The following TRIM58 variants were observed in gnomAD, a reference collection of about 807,000 sequenced individuals.
TRIM58 encodes the protein E3 ubiquitin-protein ligase TRIM58.
In TRIM58, 38 loss-of-function variants were observed where a neutral mutation model predicts 34.1. That is an observed-to-expected ratio of 1.12 (90% CI 0.86 to 1.46). The LOEUF is 1.46. TRIM58 is among the 40% of genes most tolerant of loss of function. The pLI is 0.00. For synonymous variants in TRIM58, 273 were observed against 275.7 expected (o/e 0.99, Z 0.10); for missense variants, 677 against 642.0 (o/e 1.05, Z -0.59).
At chr1:247,863,554 A>T (rs1196152659) in intron 2 of TRIM58, among the ~76,000 whole-genome samples, 2 of 152,098 alleles carry the variant, frequency 1.3e-5, no homozygotes, top group Non-Finnish European at 2.9e-5. Flanking sequence ...AAGATTAAAA[A>T]AAAAACCAGG....
At chr1:247,869,045 A>G (rs770862479) in intron 5 of TRIM58, among the ~76,000 whole-genome samples, 2 of 152,260 alleles carry the variant, frequency 1.3e-5, no homozygotes, top group Admixed American at 6.5e-5. Context: ...GATTACAGGC[A>G]CATGCCACCA....
intron 5 of TRIM58, among the ~76,000 whole-genome samples, chr1:247,874,167 CTT>C (rs1659218785): frequency 6.6e-6 from 1 of 152,126 alleles, no homozygotes; most frequent in Non-Finnish European, 1.5e-5. Flanking sequence ...AGGAAATATG[CTT>C]TATTTTGGCT....
In TRIM58 at chr1:247,878,408, C is replaced by T. The variant is rs1022984724; in HGVS notation, c.*1919C>T. ...TTTAACTTACCTTCCAATCATATTACTAACGTAGCCTTCTTCCTAGATTTT... is the reference window on the plus strand; with the variant it reads ...TTTAACTTACCTTCCAATCATATTATTAACGTAGCCTTCTTCCTAGATTTT... On this transcript the variant is annotated 3_prime_UTR_variant, in exon 6 of 6. Transcript: ENST00000366481. Among the ~76,000 whole-genome samples, 1 of 152,184 alleles carries T rather than the reference C, an allele frequency of 6.6e-6. No homozygotes were observed. The highest frequency in any genetic ancestry group is 1.5e-5 in the Non-Finnish European group (1 of 68,038).
In TRIM58 at chr1:247,876,245, A is replaced by G. The variant is rs1486325456; in HGVS notation, c.1217A>G (p.Glu406Gly). ...ASPSVPLLQL[E>G]SPRCIGIFLD... The stretch of plus-strand genomic sequence containing the variant: ...CCATCAGTGCCTCTTCTCCAACTGG[A>G]AAGTCCTCGCTGCATTGGGATTTTC... Residue 406 changes from glutamate (E) to glycine (G), a missense_variant, in exon 6 of 6, where the codon GAA becomes GGA. Physicochemically the swap from Glu to Gly is moderately conservative, Grantham distance 98. Transcript: ENST00000366481. 2 of 1,614,220 alleles carry G rather than the reference A, an allele frequency of 1.2e-6. No individual in the cohort carries two copies. The highest frequency in any genetic ancestry group is 1.7e-5 in the Admixed American group (1 of 60,022).
At chr1:247,871,053 T>G (rs920855923) in intron 5 of TRIM58, among the ~76,000 whole-genome samples, 3 of 152,136 alleles carry the variant, frequency 2.0e-5, no homozygotes, top group Non-Finnish European at 4.4e-5. Flanking sequence ...TCATGAGCAG[T>G]ATCAGAGTCA....
rs1244436050 is a variant in TRIM58 at position 247,857,584 on chromosome 1, C to T, written c.338C>T (p.Ala113Val). ...LSRFCEEDEA[A>V]LCWVCDAGPE... ...CGCTTCTGCGAGGAGGACGAGGCGG[C>T]GCTGTGCTGGGTGTGCGACGCCGGC... is the stretch of plus-strand genomic sequence containing the variant. Residue 113 changes from alanine to valine, a missense_variant, in exon 1 of 6, where the codon GCG becomes GTG. Ala to Val is a moderately conservative substitution (Grantham distance 64). Transcript: ENST00000366481. The T allele has an allele frequency of 7.9e-7, 1 of 1,266,384 alleles. No individual in the cohort carries two copies. The highest frequency in any genetic ancestry group is 9.9e-7 in the Non-Finnish European group (1 of 1,010,236). 78.4% of individuals were successfully genotyped at this position (1,266,384 alleles called of 1,614,324 possible). A position where few individuals can be genotyped will look rare whatever the true frequency, so the allele number is the denominator to read the frequency against.
chr1:247,872,206 G>GT (rs1659146009), intron 5 of TRIM58, among the ~76,000 whole-genome samples: 2 of 152,248 alleles, frequency 1.3e-5, no homozygotes, highest in African/African-American at 4.8e-5. Context: ...TTGGACTAAT[G>GT]TTTTATGAGG....
chr1:247,857,405 C>T lies in TRIM58; in HGVS notation c.159C>T (p.Gly53=). ...FCEKSDGAQG[G]VYACPQCRGP... ...AGAAGTCGGACGGCGCGCAGGGCGG[C>T]GTCTACGCCTGTCCGCAGTGCCGGG... Residue 53 remains glycine (G), a synonymous_variant, in exon 1 of 6, where the codon GGC becomes GGT. Transcript: ENST00000366481. The T allele has an allele frequency of 6.6e-7, 1 of 1,511,144 alleles. No individual in the cohort carries two copies. The highest frequency in any genetic ancestry group is 2.7e-5 in the East Asian group (1 of 36,630). 93.6% of individuals were successfully genotyped at this position (1,511,144 alleles called of 1,614,324 possible).
At chr1:247,871,136 T>C (rs1337068117) in intron 5 of TRIM58, among the ~76,000 whole-genome samples, 2 of 152,242 alleles carry the variant, frequency 1.3e-5, no homozygotes, top group East Asian at 1.9e-4. Flanking sequence ...TTAGCTGATA[T>C]GAGTAACGTT....
At position 247,879,515 on chromosome 1, in the gene TRIM58, G is replaced by A. The variant is rs1291600327; in HGVS notation, c.*3026G>A. On this transcript the variant is annotated 3_prime_UTR_variant, in exon 6 of 6. Coordinates refer to ENST00000366481, the MANE Select transcript of TRIM58 (RefSeq NM_015431.4). ...ACAGTGACTTAGATACCATCACAAA[G>A]ACCTCCCATTCAACTTAGAGTGAAA... Among the ~76,000 whole-genome samples, 1 of 152,000 alleles carries A rather than the reference G, an allele frequency of 6.6e-6. No homozygotes were observed. The highest frequency in any genetic ancestry group is 2.4e-5 in the African/African-American group (1 of 41,396).
At chr1:247,871,017 G>A (rs61855711) in intron 5 of TRIM58, among the ~76,000 whole-genome samples, 6,144 of 93,160 alleles carry the variant, frequency 0.066, 31 homozygotes, top group African/African-American at 0.1. Flanking sequence ...GCACCACCAC[G>A]CCCAGAAGAA....
In TRIM58 at chr1:247,878,846, T is replaced by C. The variant is rs938695612; in HGVS notation, c.*2357T>C. Among the ~76,000 whole-genome samples the C allele has an allele frequency of 3.9e-5, 6 of 152,236 alleles. No homozygotes were observed. The highest frequency in any genetic ancestry group is 3.9e-4 in the Admixed American group (6 of 15,280). ...TCACTGTGCATATTATTGTGGTTTA[T>C]ATCAGTCAGTAAACCAATGTGAGTC... On this transcript the variant is annotated 3_prime_UTR_variant, in exon 6 of 6. Transcript: ENST00000366481.
In TRIM58 at chr1:247,878,353, T is replaced by C. The variant is rs1265784692; in HGVS notation, c.*1864T>C. The C allele has an allele frequency of 1.3e-5, 2 of 152,220 alleles. No homozygotes were observed. The highest frequency in any genetic ancestry group is 2.9e-5 in the Non-Finnish European group (2 of 68,046). The allele number at this position is 152,220 out of a possible 1,614,324, so 9.4% of individuals were successfully genotyped here. ...CAATTTGAAGTTCAAGATGTTTTTC[T>C]CTTCCAGGGAGATTTTTTCGACTGA... On this transcript the variant is annotated 3_prime_UTR_variant, in exon 6 of 6. Transcript: ENST00000366481.
intron 5 of TRIM58, among the ~76,000 whole-genome samples, chr1:247,868,432 A>T (rs923207022): frequency 1.3e-5 from 2 of 152,142 alleles, no homozygotes; most frequent in Non-Finnish European, 2.9e-5. Flanking sequence ...ACAACACATC[A>T]CTTCTGGTCA....
rs1216407627 is a variant in TRIM58, at chr1:247,876,201, G to A, written c.1173G>A (p.Glu391=). 2 of 1,614,104 alleles carry A rather than the reference G, an allele frequency of 1.2e-6. No homozygotes were observed. Among genetic ancestry groups the A allele is most frequent in the Admixed American group, 1.7e-5 (1 of 60,004 alleles). Residue 391 remains glutamate, a synonymous_variant, in exon 6 of 6, where the codon GAG becomes GAA. Transcript: ENST00000366481. ...CCCTGTGGCTGCTGAAAGGGAATGAGTACATGGTCCTTGCCTCCCCATCAG... is the reference window on the plus strand; with the variant it reads ...CCCTGTGGCTGCTGAAAGGGAATGAATACATGGTCCTTGCCTCCCCATCAG... ...VWALWLLKGN[E]YMVLASPSVP...
chr1:247,865,968 A>G (rs758961562), intron 3 of TRIM58, among the ~76,000 whole-genome samples: 1 of 152,210 alleles, frequency 6.6e-6, no homozygotes, highest in Non-Finnish European at 1.5e-5. Flanking sequence ...TGCAAGTACA[A>G]TGACTAAACA....
At position 247,876,305 on chromosome 1, in the gene TRIM58, A is replaced by G. The variant is rs762747047; in HGVS notation, c.1277A>G (p.Asn426Ser). The G allele has an allele frequency of 2.9e-5, 47 of 1,613,980 alleles. No individual in the cohort carries two copies. The highest frequency in any genetic ancestry group is 1.6e-4 in the Middle Eastern group (1 of 6,084). The change falls in exon 6 of 6, where the codon AAT (asparagine) becomes AGT (serine). Residue 426 changes from asparagine to serine, a missense_variant. Physicochemically the swap from Asn to Ser is conservative, Grantham distance 46. Coordinates refer to ENST00000366481, the MANE Select transcript of TRIM58 (RefSeq NM_015431.4). ...GAAGCCGGTGAAATTTCATTCTACA[A>G]TGTCACAGATGGATCTTATATCTAC... ...DYEAGEISFY[N>S]VTDGSYIYTF...
chr1:247,876,164 A>G lies in TRIM58; in HGVS notation c.1136A>G (p.Asn379Ser). 1 of 1,614,176 alleles carries G rather than the reference A, an allele frequency of 6.2e-7. No homozygotes were observed. Among genetic ancestry groups the G allele is most frequent in the Non-Finnish European group, 8.5e-7 (1 of 1,180,010 alleles). The part of the protein sequence containing the change: ...RKGETTPSPE[N>S]GVWALWLLKG... ...GGGGAAACCACGCCATCTCCTGAGA[A>G]TGGGGTCTGGGCCCTGTGGCTGCTG... The change falls in exon 6 of 6, where the codon AAT becomes AGT. Residue 379 changes from asparagine to serine, a missense_variant. Physicochemically the swap from Asn to Ser is conservative, Grantham distance 46 (BLOSUM62 1). Coordinates refer to ENST00000366481, the MANE Select transcript of TRIM58 (RefSeq NM_015431.4).
At chr1:247,867,492 G>A (rs1332188914) in intron 3 of TRIM58, among the ~76,000 whole-genome samples, 5 of 152,012 alleles carry the variant, frequency 3.3e-5, no homozygotes, top group Admixed American at 6.6e-5. Context: ...TCAGGAGTTC[G>A]AGACCAGCCT....
Sources: allele counts gnomAD v4.1 joint callset (sites outside exome capture counted in the v4.1 genomes callset), GRCh38; gene constraint gnomAD v4.1.1; transcripts MANE v1.5; gene names NCBI Gene and HGNC (gene_info 2026-07-23, HGNC 2026-07-21).